MORN1: variants seen among roughly 807,000 people sequenced by gnomAD.
MORN1 encodes MORN repeat-containing protein 1.
Under a neutral mutation model 61.9 loss-of-function variants are expected in MORN1, and 67 were observed. The ratio of observed to expected loss-of-function variants is 1.08; its 90% CI spans 0.89 to 1.33. The LOEUF (loss-of-function observed/expected upper bound fraction) is 1.33, where lower values mean the gene tolerates loss of function less well. Among genes scored for constraint, MORN1 ranks in the 40% most tolerant of loss-of-function variants. MORN1 has a pLI of 0.00. For synonymous variants in MORN1, 301 were observed against 292.0 expected, an observed-to-expected ratio of 1.03 and a Z score of -0.31; for missense variants, 752 against 691.2, an observed-to-expected ratio of 1.09 and a Z score of -0.99.
At chr1:2,335,044 T>C (rs1003996410) in intron 12 of MORN1, among the ~76,000 whole-genome samples, 13 of 152,254 alleles carry the variant, frequency 8.5e-5, no homozygotes, top group African/African-American at 2.7e-4. Flanking sequence ...GGCTGTTTTT[T>C]AGTCTCTGCT....
chr1:2,347,373 G>A (rs965879351), intron 10 of MORN1, among the ~76,000 whole-genome samples: 3 of 152,144 alleles, frequency 2.0e-5, no homozygotes, highest in Non-Finnish European at 2.9e-5. Flanking sequence ...GTGTGGCTGC[G>A]GCTGCCCCCT....
rs1191102733 is a variant in MORN1, at chr1:2,334,946, G to A, written c.1250+1523C>T. On this transcript the variant is annotated intron_variant, in intron 12 of 13. Coordinates refer to ENST00000378531, the MANE Select transcript of MORN1 (RefSeq NM_024848.3). This position sits in a 1 kb window ranked among gnomAD's most constrained non-coding sequence, Gnocchi z 5.4. ...TTCGGGTCTGTGTGAGTCTGTGGGA[G>A]TGACAGAATGTCTCGGCTTTTGGCT... Among the ~76,000 whole-genome samples the A allele has an allele frequency of 6.6e-6, 1 of 152,252 alleles. No individual in the cohort carries two copies. Among genetic ancestry groups the A allele is most frequent in the East Asian group, 1.9e-4 (1 of 5,198 alleles).
At chr1:2,374,126 G>A (rs1484526921) in intron 7 of MORN1, among the ~76,000 whole-genome samples, 4 of 152,164 alleles carry the variant, frequency 2.6e-5, no homozygotes, top group Non-Finnish European at 5.9e-5. Context: ...CCAACTGGCT[G>A]GTCCTTCTGT....
intron 10 of MORN1, among the ~76,000 whole-genome samples, chr1:2,341,042 C>T (rs2843140): frequency 0.14 from 21,544 of 152,284 alleles, 1,781 homozygotes; most frequent in Middle Eastern, 0.23. Flanking sequence ...CTGGCCCTGG[C>T]ACTGCTACTC....
chr1:2,365,063 T>A (rs973733339), intron 8 of MORN1, among the ~76,000 whole-genome samples: 1 of 152,178 alleles, frequency 6.6e-6, no homozygotes, highest in East Asian at 1.9e-4. Context: ...TGGTGCCATA[T>A]GAACTTTAAA....
intron 13 of MORN1, chr1:2,323,285 G>C (rs949166366): frequency 1.0e-6 from 1 of 985,278 alleles, no homozygotes; most frequent in Non-Finnish European, 1.2e-6. Flanking sequence ...GGGTGGCTCT[G>C]CTTGTTCTCC....
rs75874886 is a variant in MORN1, at chr1:2,353,376, G to A, written c.1036+4056C>T. Among the ~76,000 whole-genome samples the A allele has an allele frequency of 1.3e-3, 192 of 152,324 alleles. 1 individual carries two copies. Among genetic ancestry groups the A allele is most frequent in the African/African-American group, 4.4e-3 (184 of 41,584 alleles). Reference sequence around the variant, plus strand: ...GTTGTGAGGTCTTGCTTGATTCTAGGGCCTCCGTGCAGCTGGGCCTGAGCC... The same window carrying A: ...GTTGTGAGGTCTTGCTTGATTCTAGAGCCTCCGTGCAGCTGGGCCTGAGCC... On this transcript the variant is annotated intron_variant, in intron 10 of 13. Transcript: ENST00000378531.
At chr1:2,343,921 C>T (rs1295932329) in intron 10 of MORN1, among the ~76,000 whole-genome samples, 6 of 145,296 alleles carry the variant, frequency 4.1e-5, no homozygotes, top group South Asian at 2.2e-4. Context: ...GCGGGATTCC[C>T]GTAGGCCTCC....
chr1:2,371,107 G>C (rs1328152455), intron 8 of MORN1: 1 of 152,270 alleles, frequency 6.6e-6, no homozygotes, highest in Non-Finnish European at 1.5e-5. Flanking sequence ...TACTCGGGAG[G>C]CTGAGGCAGA....
chr1:2,388,599 G>A (rs1213145927), intron 2 of MORN1: 5 of 432,330 alleles, frequency 1.2e-5, no homozygotes, highest in Non-Finnish European at 2.1e-5. Flanking sequence ...GCAACACGGA[G>A]AGACCCCGTC....
chr1:2,325,191 ACTTC>A (rs1310493620), intron 12 of MORN1, among the ~76,000 whole-genome samples: 1 of 11,334 alleles, frequency 8.8e-5, no homozygotes, highest in Non-Finnish European at 1.5e-4. Context: ...CCCTTCCTTC[ACTTC>A]CTTCTTTTTT....
intron 6 of MORN1, chr1:2,378,588 A>G: frequency 4.1e-6 from 1 of 246,436 alleles, no homozygotes. Context: ...AACTCCGGGA[A>G]AGCTGGCGTG....
intron 8 of MORN1, chr1:2,363,020 G>A (rs1313105287): frequency 2.0e-5 from 3 of 152,196 alleles, no homozygotes; most frequent in East Asian, 1.9e-4. Context: ...AGGAAGAAGC[G>A]AGAAGAACCA....
chr1:2,385,554 G>GT (rs1054029608), intron 5 of MORN1: 2 of 344,920 alleles, frequency 5.8e-6, no homozygotes, highest in African/African-American at 2.1e-5. Context: ...TTAATCGGGG[G>GT]GGGGGGGGAT....
rs61143910 is a variant in MORN1, at chr1:2,386,420, GTTTT to G, written c.359-527_359-524del. The G allele has an allele frequency of 6.7e-3, 1,039 of 156,042 alleles. 6 individuals are homozygous for G. Among genetic ancestry groups the G allele is most frequent in the Non-Finnish European group, 0.011 (782 of 70,446 alleles). The allele number at this position is 156,042 out of a possible 1,614,324, so 9.7% of individuals were successfully genotyped here. On this transcript the variant is annotated intron_variant, in intron 4 of 13. Transcript: ENST00000378531. The stretch of plus-strand genomic sequence containing the variant: ...ATTTGAGAGTATTTCTGCTTCTTTT[GTTTT>G]TTTTGTTGTCGTTGCTTTGCTTTTG...
chr1:2,339,933 C>T (rs546608658), intron 10 of MORN1, among the ~76,000 whole-genome samples: 6 of 152,384 alleles, frequency 3.9e-5, no homozygotes, highest in South Asian at 4.1e-4. Context: ...ATCCCTCGGC[C>T]GCTCCTGCTC....
In MORN1 at chr1:2,374,500, C is replaced by T. The variant is rs376656134; in HGVS notation, c.595G>A (p.Val199Ile). 6.2e-7 allele frequency: 1 copy of T among 1,603,948 alleles called. No homozygotes were observed. Among genetic ancestry groups the T allele is most frequent in the Non-Finnish European group, 8.5e-7 (1 of 1,175,890 alleles). The change falls in exon 7 of 14, where the codon GTC becomes ATC. Residue 199 changes from valine (V) to isoleucine (I), a missense_variant. Coordinates refer to ENST00000378531, the MANE Select transcript of MORN1 (RefSeq NM_024848.3). ...GLGSMAHCSG[V>I]TYYGLWINGH... ...TTGATCCACAACCCATAATAGGTGA[C>T]CCCTGAGCAGTGGGCCATGCTGCCC...
At chr1:2,351,456 G>C (rs986012898) in intron 10 of MORN1, 5 of 166,608 alleles carry the variant, frequency 3.0e-5, no homozygotes, top group African/African-American at 1.2e-4. Flanking sequence ...TGGTGCACTT[G>C]CGGGGGCCCA....
In MORN1 at chr1:2,372,317, G is replaced by A; in HGVS notation, c.745+164C>T. On this transcript the variant is annotated intron_variant, in intron 8 of 13. Transcript: ENST00000378531. The surrounding 1 kb of genome is among the most constrained non-coding windows in gnomAD (Gnocchi z 5.4). ...CACCCAAGGCTGCCCTGACTGGCAG[G>A]GAAGCTGGCACACCTGCGACCTCTC... 1.7e-6 allele frequency: 1 copy of A among 598,186 alleles called. No individual in the cohort carries two copies. 37.1% of individuals were successfully genotyped at this position (598,186 alleles called of 1,614,324 possible).
Sources: gnomAD v4.1 joint callset for allele counts (sites outside exome capture counted in the v4.1 genomes callset) on GRCh38, gnomAD v4.1.1 for gene constraint, Gnocchi (gnomAD v3.1) non-coding constraint, MANE v1.5 for transcripts, NCBI Gene and HGNC (gene_info 2026-07-23, HGNC 2026-07-21) for gene names.